Variants in CORIN observed in about 807,000 individuals in gnomAD.
The protein encoded by CORIN is corin, serine peptidase, also known as atrial natriuretic peptide-converting enzyme.
In CORIN, 117 loss-of-function variants were observed where a neutral mutation model predicts 125.3. That is an observed-to-expected ratio of 0.93 (90% CI 0.80 to 1.09). CORIN has a LOEUF of 1.09. Among genes scored for constraint, CORIN ranks in the 50% least tolerant of loss-of-function variants. The pLI is 0.00. For synonymous variants in CORIN, 450 were observed against 466.4 expected (o/e 0.96, Z 0.45); for missense variants, 1,253 against 1,306.7 (o/e 0.96, Z 0.63).
intron 5 of CORIN, among the ~76,000 whole-genome samples, chr4:47,722,732 G>C (rs1484541732): frequency 6.6e-6 from 1 of 152,060 alleles, no homozygotes; most frequent in African/African-American, 2.4e-5. Flanking sequence ...GTGAAACGTG[G>C]GATTCTAAGA....
chr4:47,602,838 G>C (rs1350797864), intron 20 of CORIN, among the ~76,000 whole-genome samples: 2 of 152,102 alleles, frequency 1.3e-5, no homozygotes, highest in African/African-American at 4.8e-5. Context: ...ATTTTTGTAA[G>C]AGAAAATGGG....
intron 8 of CORIN, 104 bp from the exon 9 acceptor site, chr4:47,678,158 G>A: frequency 1.2e-6 from 1 of 818,148 alleles, no homozygotes; most frequent in South Asian, 1.5e-5. Flanking sequence ...TAAGAAACAA[G>A]GTGTTCTGCA....
chr4:47,720,758 T>C (rs17654423), intron 5 of CORIN, among the ~76,000 whole-genome samples: 29,910 of 152,152 alleles, frequency 0.2, 3,084 homozygotes, highest in East Asian at 0.3. Flanking sequence ...GAACCACCAT[T>C]TGATTCCAAC....
At chr4:47,744,343 G>A in intron 5 of CORIN, 59 bp downstream of exon 5, 2 of 1,440,808 alleles carry the variant, frequency 1.4e-6, no homozygotes, top group Admixed American at 1.8e-5. Context: ...ATCCATTCCT[G>A]TATAAATGGC....
chr4:47,807,652 T>TGCCCATGCTACCCCTGCA (rs1319232795), intron 1 of CORIN, among the ~76,000 whole-genome samples: 1 of 152,220 alleles, frequency 6.6e-6, no homozygotes, highest in Non-Finnish European at 1.5e-5. Context: ...CATCCTCGGC[T>TGCCCATGCTACCCCTGCA]GCCCATGCTA....
At chr4:47,658,187 AAG>A (rs1222954495) in intron 12 of CORIN, among the ~76,000 whole-genome samples, 1 of 152,250 alleles carries the variant, frequency 6.6e-6, no homozygotes, top group Non-Finnish European at 1.5e-5. Flanking sequence ...GGCTAAAAGA[AAG>A]AGGCTACAGG....
chr4:47,643,044 G>A lies in CORIN; in HGVS notation c.2068+102C>T, dbSNP rs55932196. Reference sequence around the variant, plus strand: ...TTTATAACAGTAAAACAAAATAGATGAACTTGGTCAGTAAAATCCAGGAAG... The same window carrying A: ...TTTATAACAGTAAAACAAAATAGATAAACTTGGTCAGTAAAATCCAGGAAG... On this transcript the variant is annotated intron_variant, in intron 15 of 21. Coordinates refer to ENST00000273857, the MANE Select transcript of CORIN (RefSeq NM_006587.4). 9.8e-3 allele frequency: 15,478 copies of A among 1,578,336 alleles called. 105 individuals are homozygous for A. Among genetic ancestry groups the A allele is most frequent in the Non-Finnish European group, 0.011 (12,782 of 1,164,732 alleles).
chr4:47,627,523 A>C (rs1722629876), intron 16 of CORIN, among the ~76,000 whole-genome samples: 1 of 152,220 alleles, frequency 6.6e-6, no homozygotes, highest in Non-Finnish European at 1.5e-5. Flanking sequence ...TTAAGATATA[A>C]ATTTATTTAG....
At chr4:47,605,232 A>G (rs1024018986) in intron 19 of CORIN, among the ~76,000 whole-genome samples, 1 of 152,198 alleles carries the variant, frequency 6.6e-6, no homozygotes, top group Non-Finnish European at 1.5e-5. Context: ...TGACATTGAT[A>G]TAACCATTTG....
At position 47,600,284 on chromosome 4, in the gene CORIN, A is replaced by C; in HGVS notation, c.2876T>G (p.Phe959Cys). Residue 959 changes from phenylalanine to cysteine, a missense_variant, in exon 21 of 22, where the codon TTT (phenylalanine) becomes TGT (cysteine). Physicochemically the swap from Phe to Cys is radical, Grantham distance 205. Coordinates refer to ENST00000273857, the MANE Select transcript of CORIN (RefSeq NM_006587.4). Reference protein sequence around the residue: ...IISLEHCQSYFDMKTITTRMI... With the variant: ...IISLEHCQSYCDMKTITTRMI... ...CCGAGTGGTGATGGTCTTCATGTCA[A>C]AGTAGGACTGACAATGTTCCAGAGA... The C allele has an allele frequency of 2.5e-6, 4 of 1,613,840 alleles. No individual in the cohort carries two copies. The highest frequency in any genetic ancestry group is 3.4e-6 in the Non-Finnish European group (4 of 1,179,818).
chr4:47,663,079 A>G (rs562137223), intron 11 of CORIN, among the ~76,000 whole-genome samples: 2 of 152,338 alleles, frequency 1.3e-5, no homozygotes, highest in South Asian at 2.1e-4. Context: ...ACTTATTTGT[A>G]CAAAAGACTA....
intron 12 of CORIN, 96 bp downstream of exon 12, chr4:47,661,615 C>A: frequency 8.6e-7 from 1 of 1,163,492 alleles, no homozygotes; most frequent in Non-Finnish European, 1.2e-6. Context: ...AAATAGAAAA[C>A]AAACAAACAA....
intron 2 of CORIN, among the ~76,000 whole-genome samples, chr4:47,794,904 G>C (rs1731227016): frequency 1.3e-5 from 2 of 152,014 alleles, no homozygotes; most frequent in Non-Finnish European, 2.9e-5. Context: ...TTTTCTTCTA[G>C]GAGTTTTATG....
chr4:47,712,859 C>G (rs1477206064), intron 5 of CORIN, among the ~76,000 whole-genome samples: 1 of 151,936 alleles, frequency 6.6e-6, no homozygotes, highest in Non-Finnish European at 1.5e-5. Context: ...AAAGAAGAAA[C>G]CAAGAATTCA....
chr4:47,710,910 T>C (rs73238628), intron 5 of CORIN, among the ~76,000 whole-genome samples: 21,804 of 152,244 alleles, frequency 0.14, 1,850 homozygotes, highest in East Asian at 0.32. Flanking sequence ...AGTTTAAGGA[T>C]AAAGTTATTA....
In CORIN at chr4:47,793,105, A is replaced by G. The variant is rs578254549; in HGVS notation, c.209-6180T>C. ...GAAACATTCAGGGGGGAAAAAGCCC[A>G]AATCTGAAGCAATCTGATGATTTCC... On this transcript the variant is annotated intron_variant, in intron 2 of 21. Coordinates refer to ENST00000273857, the MANE Select transcript of CORIN (RefSeq NM_006587.4). Among the ~76,000 whole-genome samples the G allele has an allele frequency of 2.9e-4, 44 of 152,246 alleles. No individual in the cohort carries two copies. The East Asian group carries it at 6.0e-3, about 21-fold the overall frequency.
chr4:47,787,268 G>A (rs1270628620), intron 2 of CORIN, among the ~76,000 whole-genome samples: 2 of 152,098 alleles, frequency 1.3e-5, no homozygotes, highest in Non-Finnish European at 2.9e-5. Context: ...ACAATAAAAT[G>A]TGGTGAATCT....
intron 4 of CORIN, among the ~76,000 whole-genome samples, chr4:47,748,387 G>T (rs539118275): frequency 6.6e-6 from 1 of 152,202 alleles, no homozygotes. Flanking sequence ...ATTTTAGAAA[G>T]GGTGATTATT....
chr4:47,701,888 CA>C (rs1726309534), intron 5 of CORIN, among the ~76,000 whole-genome samples: 1 of 152,038 alleles, frequency 6.6e-6, no homozygotes, highest in Non-Finnish European at 1.5e-5. Flanking sequence ...CGTTGGAAAA[CA>C]AGATGTACAT....
Sources: allele counts gnomAD v4.1 joint callset (sites outside exome capture counted in the v4.1 genomes callset), GRCh38; gene constraint gnomAD v4.1.1; transcripts MANE v1.5; gene names NCBI Gene and HGNC (gene_info 2026-07-23, HGNC 2026-07-21).